BTBD8: variants seen among roughly 807,000 people sequenced by gnomAD.
BTBD8 encodes BTB domain containing 8.
In BTBD8, 110 loss-of-function variants were observed where a neutral mutation model predicts 162.9. That is an observed-to-expected ratio of 0.68 (90% confidence interval 0.58 to 0.79). The LOEUF (loss-of-function observed/expected upper bound fraction) is 0.79. Among genes scored for constraint, BTBD8 ranks in the 30% least tolerant of loss-of-function variants. The pLI is 0.00. For synonymous variants in BTBD8, 667 were observed against 716.1 expected, an observed-to-expected ratio of 0.93 and a Z score of 1.10; for missense variants, 1,905 against 2,085.4, an observed-to-expected ratio of 0.91 and a Z score of 1.68.
Position 92,151,505 on chromosome 1 carries a change from G to T in BTBD8, c.1122+3719G>T, listed in dbSNP as rs566255129. Among the ~76,000 whole-genome samples, 165 of 152,144 alleles carry T rather than the reference G, an allele frequency of 1.1e-3. 1 individual carries two copies. The highest frequency in any genetic ancestry group is 3.3e-3 in the South Asian group (16 of 4,816). On this transcript the variant is annotated intron_variant, in intron 9 of 17. Coordinates refer to ENST00000636805, the MANE Select transcript of BTBD8 (RefSeq NM_001376131.1). The stretch of plus-strand genomic sequence containing the variant: ...TAGTTCTGTTCAATAGAAGAGTCAG[G>T]TTCATTTCCTAATGTAGTAGTAGTA...
Position 92,180,396 on chromosome 1 carries a change from G to C in BTBD8, c.2713G>C (p.Val905Leu), listed in dbSNP as rs7552286. ...ACCTAAGAGAAAAATGGTCAAGCAA[G>C]TACACACAGCTTTGCCTAAGGTTAA... ...QAPKRKMVKQ[V>L]HTALPKVNAK... The change falls in exon 17 of 18, where the codon GTA becomes CTA. Residue 905 changes from valine to leucine, a missense_variant. Transcript: ENST00000636805. 10,254 of 1,551,470 alleles carry C rather than the reference G, an allele frequency of 6.6e-3. 602 individuals are homozygous for C. In the African/African-American group the frequency reaches 0.13, roughly 19 times the overall value.
Position 92,177,414 on chromosome 1 carries a change from G to C in BTBD8, c.2221G>C (p.Glu741Gln). ...AAGTATGGAATTCTCAATTTCCACT[G>C]AATGTCTGGATGAACCGAAAGAAAA... The part of the protein sequence containing the change: ...DSSMEFSIST[E>Q]CLDEPKENGS... The change falls in exon 14 of 18, where the codon GAA becomes CAA. Residue 741 changes from glutamate (E) to glutamine (Q), a missense_variant. By Grantham distance (29) the Glu-to-Gln change is conservative. This residue lies in a region of BTBD8 where 1,374 missense variants were observed against 1,442.7 expected (regional missense o/e 0.95). Coordinates refer to ENST00000636805, the MANE Select transcript of BTBD8 (RefSeq NM_001376131.1). 6.4e-7 allele frequency: 1 copy of C among 1,551,766 alleles called. No individual in the cohort carries two copies. The highest frequency in any genetic ancestry group is 8.7e-7 in the Non-Finnish European group (1 of 1,147,012).
At chr1:92,115,996 A>G (rs1649033876) in intron 4 of BTBD8, among the ~76,000 whole-genome samples, 1 of 152,096 alleles carries the variant, frequency 6.6e-6, no homozygotes, top group South Asian at 2.1e-4. Context: ...TAAAAGCTAA[A>G]CATTTCCTAA....
chr1:92,100,502 T>C (rs1199872025), intron 2 of BTBD8, among the ~76,000 whole-genome samples: 2 of 152,178 alleles, frequency 1.3e-5, no homozygotes, highest in Non-Finnish European at 2.9e-5. Context: ...TTACTTGTTA[T>C]AGGTGTACTC....
intron 7 of BTBD8, among the ~76,000 whole-genome samples, chr1:92,143,657 C>T (rs1333470742): frequency 2.6e-5 from 4 of 151,788 alleles, no homozygotes; most frequent in Non-Finnish European, 4.4e-5. Flanking sequence ...AGTACAGGAG[C>T]GTGCCACCAT....
Position 92,141,112 on chromosome 1 carries a change from TAGTC to T in BTBD8, c.834_837del (p.Gln279TyrfsTer10). 6.5e-7 allele frequency: 1 copy of T among 1,542,060 alleles called. No homozygotes were observed. Among genetic ancestry groups the T allele is most frequent in the Non-Finnish European group, 8.7e-7 (1 of 1,147,356 alleles). On this transcript the variant is annotated splice_acceptor_variant and coding_sequence_variant, in exon 7 of 18. Coordinates refer to ENST00000636805, the MANE Select transcript of BTBD8 (RefSeq NM_001376131.1). LOFTEE classifies it high-confidence loss of function. ...ATTAACAGTGCATCTATTTTTATTT[TAGTC>T]AGATACTCAATATGGCTGATATGTA...
chr1:92,105,659 C>T (rs1390462205), intron 3 of BTBD8, among the ~76,000 whole-genome samples: 1 of 152,228 alleles, frequency 6.6e-6, no homozygotes, highest in African/African-American at 2.4e-5. Flanking sequence ...AGTTTGTTGA[C>T]AGGCAAGGTT....
At chr1:92,085,863 A>T (rs1252394719) in intron 1 of BTBD8, among the ~76,000 whole-genome samples, 2 of 152,138 alleles carry the variant, frequency 1.3e-5, no homozygotes, top group African/African-American at 4.8e-5. Context: ...GGGGCTACAA[A>T]GTTCGGCAGA....
At chr1:92,082,998 A>G (rs898822021) in intron 1 of BTBD8, among the ~76,000 whole-genome samples, 2 of 152,130 alleles carry the variant, frequency 1.3e-5, no homozygotes, top group African/African-American at 4.8e-5. Context: ...TAAAAAAGAA[A>G]TGATGGTGGC....
intron 4 of BTBD8, among the ~76,000 whole-genome samples, chr1:92,109,876 T>C (rs192884901): frequency 6.6e-6 from 1 of 152,246 alleles, no homozygotes; most frequent in East Asian, 1.9e-4. Flanking sequence ...ATGGCTACTT[T>C]AATTTTTTAA....
intron 2 of BTBD8, 135 bp downstream of exon 2, chr1:92,089,030 C>T: frequency 1.2e-6 from 1 of 828,910 alleles, no homozygotes; most frequent in East Asian, 2.8e-5. Flanking sequence ...TCCAAATTAT[C>T]TTAGTAATTA....
Position 92,184,273 on chromosome 1 carries a change from T to A in BTBD8, c.5322T>A (p.Ser1774=). 6.4e-7 allele frequency: 1 copy of A among 1,551,590 alleles called. No individual in the cohort carries two copies. The highest frequency in any genetic ancestry group is 8.7e-7 in the Non-Finnish European group (1 of 1,146,830). The change falls in exon 18 of 18, where the codon TCT becomes TCA. Residue 1774 remains serine, a synonymous_variant. Transcript: ENST00000636805. The part of the protein sequence containing the change: ...SASITMASFS[S]EDCSPQGEWT... Reference sequence around the variant, plus strand: ...GCATCACCATGGCTAGTTTTTCCTCTGAAGATTGTTCGCCTCAAGGCGAGT... The same window carrying A: ...GCATCACCATGGCTAGTTTTTCCTCAGAAGATTGTTCGCCTCAAGGCGAGT...
At chr1:92,152,423 A>G (rs753247203) in intron 9 of BTBD8, among the ~76,000 whole-genome samples, 8 of 152,214 alleles carry the variant, frequency 5.3e-5, no homozygotes, top group Non-Finnish European at 7.4e-5. Flanking sequence ...ACATAGAATC[A>G]CACAGGTTAA....
At chr1:92,113,642 T>G (rs1226188) in intron 4 of BTBD8, among the ~76,000 whole-genome samples, 4,147 of 150,910 alleles carry the variant, frequency 0.027, 87 homozygotes, top group Non-Finnish European at 0.029. Flanking sequence ...TAGCTTCTGG[T>G]GAGATGACCT....
chr1:92,125,984 T>C lies in BTBD8; in HGVS notation c.663-3703T>C, dbSNP rs531668556. ...TAGCCACTGTCAAAGCAAAGGCAAATGTGAAATGGTAGTGTATCAACCGAG... is the reference window on the plus strand; with the variant it reads ...TAGCCACTGTCAAAGCAAAGGCAAACGTGAAATGGTAGTGTATCAACCGAG... On this transcript the variant is annotated intron_variant, in intron 4 of 17. Transcript: ENST00000636805. 2.2e-5 allele frequency: 10 copies of C among 459,052 alleles called. No individual in the cohort carries two copies. In the East Asian group the frequency reaches 5.4e-4, roughly 25 times the overall value. 28.4% of individuals were successfully genotyped at this position (459,052 alleles called of 1,614,324 possible).
At chr1:92,098,567 C>T (rs1217666959) in intron 2 of BTBD8, among the ~76,000 whole-genome samples, 1 of 152,076 alleles carries the variant, frequency 6.6e-6, no homozygotes, top group Admixed American at 6.6e-5. Flanking sequence ...TCCATATTCT[C>T]AACATGTTAT....
chr1:92,119,991 C>T (rs1420401378), intron 4 of BTBD8, among the ~76,000 whole-genome samples: 1 of 144,054 alleles, frequency 6.9e-6, no homozygotes, highest in South Asian at 2.2e-4. Context: ...ACCTCTACCT[C>T]CTGGGTTCAA....
chr1:92,179,852 C>T (rs1014927479), intron 16 of BTBD8, among the ~76,000 whole-genome samples: 4 of 152,134 alleles, frequency 2.6e-5, no homozygotes, highest in African/African-American at 4.8e-5. Context: ...CTTGATTCTC[C>T]TTTTCAGCTA....
Position 92,181,032 on chromosome 1 carries a change from C to A in BTBD8, c.3349C>A (p.Gln1117Lys). 6 of 1,551,760 alleles carry A rather than the reference C, an allele frequency of 3.9e-6. No individual in the cohort carries two copies. The highest frequency in any genetic ancestry group is 5.2e-6 in the Non-Finnish European group (6 of 1,146,990). ...VCDLDSTSAGQIHLISDRENQ... is the reference protein window; with the variant it reads ...VCDLDSTSAGKIHLISDRENQ... The stretch of plus-strand genomic sequence containing the variant: ...TGATTTAGACTCAACAAGTGCAGGG[C>A]AAATCCATTTGATATCAGATAGGGA... Residue 1117 changes from glutamine (Q) to lysine (K), a missense_variant, in exon 17 of 18, where the codon CAA (glutamine) becomes AAA (lysine). By Grantham distance (53) the Gln-to-Lys change is moderately conservative. Coordinates refer to ENST00000636805, the MANE Select transcript of BTBD8 (RefSeq NM_001376131.1).
Sources: gnomAD v4.1 joint callset for allele counts (sites outside exome capture counted in the v4.1 genomes callset) on GRCh38, gnomAD v4.1.1 for gene constraint, gnomAD v4.1.1 regional missense constraint, MANE v1.5 for transcripts, NCBI Gene and HGNC (gene_info 2026-07-23, HGNC 2026-07-21) for gene names.